PSD3: variants seen among roughly 807,000 people sequenced by gnomAD.
The protein encoded by PSD3 is PH and SEC7 domain-containing protein 3.
In PSD3, 49 loss-of-function variants were observed where a neutral mutation model predicts 105.5. The observed-to-expected ratio is 0.46, with a 90% CI of 0.37 to 0.59. PSD3 has a LOEUF of 0.59. Among genes scored for constraint, PSD3 ranks in the 20% least tolerant of loss-of-function variants. PSD3 has a pLI of 0.00. For missense variants in PSD3, 1,561 were observed against 1,263.8 expected, an observed-to-expected ratio of 1.24 and a Z score of -3.57; for synonymous variants, 557 against 457.8, an observed-to-expected ratio of 1.22 and a Z score of -2.77.
chr8:18,588,161 G>A (rs190408415), intron 12 of PSD3, among the ~76,000 whole-genome samples: 4 of 152,284 alleles, frequency 2.6e-5, no homozygotes, highest in African/African-American at 7.2e-5. Flanking sequence ...ATTAACCTAA[G>A]AGGGAGTGGC....
At chr8:18,785,439 G>A (rs757358545) in intron 8 of PSD3, among the ~76,000 whole-genome samples, 2 of 151,882 alleles carry the variant, frequency 1.3e-5, no homozygotes, top group African/African-American at 2.4e-5. Flanking sequence ...CACCTCTCTC[G>A]ACCTTCATAG....
chr8:18,732,677 T>TA (rs1247034482), intron 9 of PSD3, among the ~76,000 whole-genome samples: 3 of 152,176 alleles, frequency 2.0e-5, no homozygotes, highest in African/African-American at 7.2e-5. Flanking sequence ...GGCCTGCCGT[T>TA]ACAACAGCAC....
At chr8:18,663,409 G>A (rs924952627) in intron 9 of PSD3, among the ~76,000 whole-genome samples, 1 of 149,122 alleles carries the variant, frequency 6.7e-6, no homozygotes, top group Non-Finnish European at 1.5e-5. Context: ...CTGGGCGACA[G>A]AATGAGACTT....
chr8:19,006,267 C>A (rs1295493431), intron 1 of PSD3, among the ~76,000 whole-genome samples: 14 of 140,332 alleles, frequency 1.0e-4, no homozygotes, highest in African/African-American at 3.4e-4. Flanking sequence ...CACCCCCGGC[C>A]TGGGTGACAA....
At chr8:18,600,184 T>G (rs1386015658) in intron 12 of PSD3, among the ~76,000 whole-genome samples, 180 bp downstream of exon 12, 1 of 152,194 alleles carries the variant, frequency 6.6e-6, no homozygotes, top group Non-Finnish European at 1.5e-5. Context: ...GAGAACAGCA[T>G]GCAACTTAAA....
At chr8:18,660,777 C>G (rs1809289898) in intron 9 of PSD3, among the ~76,000 whole-genome samples, 1 of 152,188 alleles carries the variant, frequency 6.6e-6, no homozygotes, top group Non-Finnish European at 1.5e-5. Context: ...AATCTTTTAT[C>G]TAACTGTAAT....
At chr8:18,538,916 G>C (rs895571671) in intron 15 of PSD3, among the ~76,000 whole-genome samples, 1 of 152,160 alleles carries the variant, frequency 6.6e-6, no homozygotes, top group Admixed American at 6.5e-5. Context: ...CAGAAAAAAG[G>C]GGGTGAGAGG....
chr8:18,697,126 CAAT>C (rs1801304198), intron 9 of PSD3, among the ~76,000 whole-genome samples: 1 of 152,146 alleles, frequency 6.6e-6, no homozygotes, highest in Admixed American at 6.5e-5. Flanking sequence ...TCAATAAAAA[CAAT>C]GAGATATTTT....
intron 8 of PSD3, among the ~76,000 whole-genome samples, 157 bp from the exon 9 acceptor site, chr8:18,765,695 G>C (rs1806924515): frequency 6.6e-6 from 1 of 152,172 alleles, no homozygotes; most frequent in South Asian, 2.1e-4. Flanking sequence ...GGGAGGCCGA[G>C]GTGGGTGGAT....
At chr8:18,937,719 A>G (rs758957214) in intron 1 of PSD3, among the ~76,000 whole-genome samples, 6 of 152,160 alleles carry the variant, frequency 3.9e-5, no homozygotes, top group African/African-American at 9.7e-5. Context: ...CTTTTCCCCA[A>G]TAGAGAGGAA....
chr8:18,702,892 G>T (rs1801673313), intron 9 of PSD3, among the ~76,000 whole-genome samples: 3 of 152,116 alleles, frequency 2.0e-5, no homozygotes, highest in Admixed American at 2.0e-4. Flanking sequence ...GATTACAGGT[G>T]TGAGCCACCG....
chr8:18,958,680 A>G (rs897182933), intron 1 of PSD3, among the ~76,000 whole-genome samples: 21 of 152,198 alleles, frequency 1.4e-4, no homozygotes, highest in African/African-American at 5.1e-4. Context: ...TACCACACTG[A>G]TAGATGAAAA....
intron 9 of PSD3, among the ~76,000 whole-genome samples, chr8:18,760,275 A>C (rs922425237): frequency 6.6e-6 from 1 of 152,148 alleles, no homozygotes; most frequent in Admixed American, 6.6e-5. Flanking sequence ...GAACATTCAA[A>C]ATCTATTCTC....
At chr8:18,825,701 G>A (rs1475867122) in intron 4 of PSD3, among the ~76,000 whole-genome samples, 1 of 152,116 alleles carries the variant, frequency 6.6e-6, no homozygotes, top group Non-Finnish European at 1.5e-5. Flanking sequence ...TATTTTCAAT[G>A]GACTGAGAAC....
intron 9 of PSD3, among the ~76,000 whole-genome samples, chr8:18,674,075 A>T (rs1180749309): frequency 1.3e-5 from 2 of 152,082 alleles, no homozygotes; most frequent in Non-Finnish European, 2.9e-5. Flanking sequence ...GAGCCCAGGA[A>T]GTGGAGGGTG....
Position 18,784,917 on chromosome 8 carries a change from C to T in PSD3, c.2082+14378G>A, listed in dbSNP as rs115620804. 5.1e-3 allele frequency among the ~76,000 whole-genome samples: 770 copies of T among 152,266 alleles called. 9 individuals are homozygous for T. Among genetic ancestry groups the T allele is most frequent in the African/African-American group, 0.018 (738 of 41,536 alleles). The stretch of plus-strand genomic sequence containing the variant: ...CAGTGGTATTAACTAAACCTTCACC[C>T]TATTCTTGCTCCCTGGAGGTGGGGT... On this transcript the variant is annotated intron_variant, in intron 8 of 15. Transcript: ENST00000327040.
intron 14 of PSD3, among the ~76,000 whole-genome samples, chr8:18,558,877 T>G (rs1801233696): frequency 6.6e-6 from 1 of 152,206 alleles, no homozygotes; most frequent in Admixed American, 6.5e-5. Flanking sequence ...ATACTTGATA[T>G]AAAAACTAAT....
At chr8:18,592,884 A>G (rs956040713) in intron 12 of PSD3, among the ~76,000 whole-genome samples, 2 of 152,222 alleles carry the variant, frequency 1.3e-5, no homozygotes, top group African/African-American at 2.4e-5. Context: ...AGGATTCCCT[A>G]TTTAACAAAT....
chr8:18,939,691 TAC>T (rs764371538), intron 1 of PSD3, among the ~76,000 whole-genome samples: 2 of 152,188 alleles, frequency 1.3e-5, no homozygotes, highest in Non-Finnish European at 2.9e-5. Flanking sequence ...CAACTCTATC[TAC>T]ATTATTGTAT....
Sources: gnomAD v4.1 joint callset for allele counts (sites outside exome capture counted in the v4.1 genomes callset) on GRCh38, gnomAD v4.1.1 for gene constraint, MANE v1.5 for transcripts, NCBI Gene and HGNC (gene_info 2026-07-23, HGNC 2026-07-21) for gene names.